The following EYS variants were observed in gnomAD, a reference collection of about 807,000 sequenced individuals.
EYS encodes the protein EGF-like photoreceptor maintenance factor, also known as protein eyes shut homolog.
A neutral mutation model predicts 282.1 loss-of-function variants in EYS; 250 were observed. That is an observed-to-expected ratio of 0.89 (90% CI 0.80 to 0.98). The LOEUF is 0.98. Among genes scored for constraint, EYS ranks in the 50% least tolerant of loss-of-function variants. The probability of loss-of-function intolerance (pLI) is 0.00; values close to 1 mark genes in which losing one functional copy is unlikely to be tolerated. For missense variants in EYS, 4,016 were observed against 3,709.0 expected, an observed-to-expected ratio of 1.08 and a Z score of -2.15; for synonymous variants, 1,355 against 1,282.9, an observed-to-expected ratio of 1.06 and a Z score of -1.20.
chr6:63,991,875 G>A (rs970863023), intron 34 of EYS, among the ~76,000 whole-genome samples: 2 of 151,754 alleles, frequency 1.3e-5, no homozygotes, highest in African/African-American at 4.8e-5. Context: ...GAGCTCCCAT[G>A]AGACTATCAG....
In EYS at chr6:64,439,162, C is replaced by A; in HGVS notation, c.5835G>T (p.Lys1945Asn). 3 of 1,407,966 alleles carry A rather than the reference C, an allele frequency of 2.1e-6. No individual in the cohort carries two copies. Among genetic ancestry groups the A allele is most frequent in the South Asian group, 1.5e-5 (1 of 65,652 alleles). The allele number at this position is 1,407,966 out of a possible 1,614,324, so 87.2% of individuals were successfully genotyped here. Residue 1945 changes from lysine (K) to asparagine (N), a missense_variant and splice_region_variant, in exon 27 of 43, where the codon AAG (lysine) becomes AAT (asparagine). Physicochemically the swap from Lys to Asn is moderately conservative, Grantham distance 94 (BLOSUM62 0). Transcript: ENST00000503581. ...AAATTAAATGAACTGAATAACTTAC[C>A]TTTAAAGTACCATTTTCAATAAACA... ...IQLFIENGTL[K>N]YHFYCPGEAK... is the part of the protein sequence containing the mutation.
chr6:64,394,507 C>T (rs1293411055), intron 28 of EYS, among the ~76,000 whole-genome samples: 1 of 152,056 alleles, frequency 6.6e-6, no homozygotes, highest in East Asian at 1.9e-4. Flanking sequence ...CTTTGACAAA[C>T]CTGACAAAAA....
At chr6:64,379,189 TA>T (rs1772661902) in intron 29 of EYS, among the ~76,000 whole-genome samples, 1 of 152,176 alleles carries the variant, frequency 6.6e-6, no homozygotes, top group South Asian at 2.1e-4. Context: ...CTATAGCCTT[TA>T]GCTAAATTAG....
intron 41 of EYS, among the ~76,000 whole-genome samples, chr6:63,756,657 G>A (rs1402070042): frequency 3.3e-5 from 5 of 151,924 alleles, no homozygotes; most frequent in Admixed American, 2.6e-4. Flanking sequence ...GTTAGGGAGT[G>A]TTGTGGGAAG....
intron 2 of EYS, among the ~76,000 whole-genome samples, chr6:65,608,005 C>G (rs1049779172): frequency 1.3e-5 from 2 of 151,916 alleles, no homozygotes; most frequent in Non-Finnish European, 2.9e-5. Context: ...ATATATTCCA[C>G]TCTTAAAAAT....
rs1287899507 is a variant in EYS at position 63,798,971 on chromosome 6, ATATATGTATATGTGTG to A, written c.7411+7203_7411+7218del. ...TATATATATGTATATGTGTATATAT[ATATATGTATATGTGTG>A]TATATATATATATATATATATATAT... On this transcript the variant is annotated intron_variant, in intron 37 of 42. Coordinates refer to ENST00000503581, the MANE Select transcript of EYS (RefSeq NM_001142800.2). Among the ~76,000 whole-genome samples the A allele has an allele frequency of 8.2e-3, 990 of 120,118 alleles. 7 individuals are homozygous for A. Among genetic ancestry groups the A allele is most frequent in the South Asian group, 0.028 (106 of 3,818 alleles). The allele number at this position is 120,118 out of a possible 152,430, so 78.8% of individuals were successfully genotyped here.
intron 26 of EYS, among the ~76,000 whole-genome samples, chr6:64,523,857 G>C (rs1777833869): frequency 6.6e-6 from 1 of 151,500 alleles, no homozygotes; most frequent in South Asian, 2.1e-4. Flanking sequence ...GAAATCTTTA[G>C]AAAAACCATC....
intron 28 of EYS, among the ~76,000 whole-genome samples, chr6:64,416,518 CTT>C (rs371267333): frequency 7.2e-6 from 1 of 139,820 alleles, no homozygotes; most frequent in African/African-American, 2.6e-5. Context: ...GCCGTTAGGT[CTT>C]TTTTTTTTTT....
intron 26 of EYS, among the ~76,000 whole-genome samples, chr6:64,589,776 G>T (rs1050209782): frequency 6.6e-6 from 1 of 151,888 alleles, no homozygotes; most frequent in Non-Finnish European, 1.5e-5. Flanking sequence ...ATGCCATAGA[G>T]GATAGGAAAT....
At chr6:65,654,630 G>T (rs183125005) in intron 1 of EYS, among the ~76,000 whole-genome samples, 2 of 151,682 alleles carry the variant, frequency 1.3e-5, no homozygotes, top group Non-Finnish European at 3.0e-5. Context: ...AAAGGTTACA[G>T]AGACATCCCT....
chr6:64,159,559 T>TAAAAAAA (rs35139594), intron 31 of EYS, among the ~76,000 whole-genome samples: 17 of 59,944 alleles, frequency 2.8e-4, no homozygotes, highest in African/African-American at 9.8e-4. Context: ...GACTCTGTCT[T>TAAAAAAA]AAAAAAAAAA....
chr6:65,342,792 TGA>T (rs1770246732), intron 10 of EYS, among the ~76,000 whole-genome samples: 1 of 150,750 alleles, frequency 6.6e-6, no homozygotes, highest in Admixed American at 6.6e-5. Flanking sequence ...CGTATTTTCT[TGA>T]GTCTAAAGAA....
At chr6:65,478,531 CT>C (rs1582350020) in intron 5 of EYS, among the ~76,000 whole-genome samples, 1 of 152,120 alleles carries the variant, frequency 6.6e-6, no homozygotes, top group Non-Finnish European at 1.5e-5. Context: ...ACTCAATTCT[CT>C]TTCCCCTTAA....
intron 5 of EYS, among the ~76,000 whole-genome samples, chr6:65,471,172 G>A (rs1451671824): frequency 1.4e-5 from 2 of 148,076 alleles, no homozygotes; most frequent in Non-Finnish European, 3.0e-5. Flanking sequence ...ACAAAAGGAT[G>A]GCATAGAATG....
intron 31 of EYS, among the ~76,000 whole-genome samples, chr6:64,083,313 A>G (rs1410131748): frequency 6.6e-6 from 1 of 152,216 alleles, no homozygotes; most frequent in Non-Finnish European, 1.5e-5. Flanking sequence ...TCATACAGTG[A>G]GTGAGAAACT....
At chr6:65,177,135 T>A (rs181552201) in intron 12 of EYS, among the ~76,000 whole-genome samples, 61 of 151,948 alleles carry the variant, frequency 4.0e-4, no homozygotes, top group Middle Eastern at 6.8e-3. Flanking sequence ...TTTTGAGTAC[T>A]TTCAGAATTT....
chr6:64,278,164 T>G (rs1292524447), intron 30 of EYS, among the ~76,000 whole-genome samples: 1 of 152,172 alleles, frequency 6.6e-6, no homozygotes, highest in African/African-American at 2.4e-5. Context: ...ATCTCAAGTC[T>G]TTAAACAGAA....
At chr6:64,178,920 C>CT (rs201160056) in intron 31 of EYS, among the ~76,000 whole-genome samples, 4 of 151,688 alleles carry the variant, frequency 2.6e-5, no homozygotes, top group East Asian at 1.9e-4. Context: ...AGAATGTTGG[C>CT]TTTTTTTTCT....
chr6:63,753,320 C>G (rs986965817), intron 41 of EYS, among the ~76,000 whole-genome samples: 3 of 151,578 alleles, frequency 2.0e-5, no homozygotes, highest in Non-Finnish European at 4.4e-5. Context: ...TTGGCAGATT[C>G]CATTGATTAT....
Sources: gnomAD v4.1 joint callset for allele counts (sites outside exome capture counted in the v4.1 genomes callset) on GRCh38, gnomAD v4.1.1 for gene constraint, MANE v1.5 for transcripts, NCBI Gene and HGNC (gene_info 2026-07-23, HGNC 2026-07-21) for gene names.